MTPN: variants seen among roughly 807,000 people sequenced by gnomAD.
MTPN encodes myotrophin, also known as granule cell differentiation protein.
In MTPN, 2 loss-of-function variants were observed where a neutral mutation model predicts 13.5. The ratio of observed to expected loss-of-function variants is 0.15; its 90% confidence interval spans 0.06 to 0.47. The LOEUF (loss-of-function observed/expected upper bound fraction) is 0.47. Ranked by LOEUF, MTPN falls within the 20% of genes least tolerant of loss-of-function variation. MTPN has a pLI of 0.97. For missense variants in MTPN, 79 were observed against 137.9 expected, an observed-to-expected ratio of 0.57 and a Z score of 2.14; for synonymous variants, 46 against 51.7, an observed-to-expected ratio of 0.89 and a Z score of 0.48.
At chr7:135,937,554 C>T (rs1799135523) in intron 3 of MTPN, among the ~76,000 whole-genome samples, 1 of 152,148 alleles carries the variant, frequency 6.6e-6, no homozygotes, top group South Asian at 2.1e-4. Context: ...AACATACACA[C>T]TTTATATACT....
chr7:135,960,390 G>A (rs1799502983), intron 1 of MTPN, among the ~76,000 whole-genome samples: 1 of 151,932 alleles, frequency 6.6e-6, no homozygotes, highest in Admixed American at 6.6e-5. Context: ...TTAGGCAATA[G>A]AGAATATAAA....
chr7:135,951,566 CCA>C lies in MTPN; in HGVS notation c.135_136del (p.Cys45TrpfsTer4). 6.2e-7 allele frequency: 1 copy of C among 1,613,502 alleles called. No homozygotes were observed. The highest frequency in any genetic ancestry group is 8.5e-7 in the Non-Finnish European group (1 of 1,179,630). On this transcript the variant is annotated frameshift_variant, in exon 2 of 4. Coordinates refer to ENST00000393085, the MANE Select transcript of MTPN (RefSeq NM_145808.4). LOFTEE classifies it high-confidence loss of function. ...CAGAAATTCCAGGATTTCAAGCTGCCCACAATCTGCTGCATAATGAAGAGGTT... is the reference window on the plus strand; with the variant it reads ...CAGAAATTCCAGGATTTCAAGCTGCCCAATCTGCTGCATAATGAAGAGGTT...
chr7:135,927,792 C>A lies in MTPN; in HGVS notation c.*2134G>T, dbSNP rs1798946729. 1 of 445,614 alleles carries A rather than the reference C, an allele frequency of 2.2e-6. No individual in the cohort carries two copies. The highest frequency in any genetic ancestry group is 1.7e-5 in the South Asian group (1 of 58,928). The allele number at this position is 445,614 out of a possible 1,614,324, so 27.6% of individuals were successfully genotyped here. On this transcript the variant is annotated 3_prime_UTR_variant, in exon 4 of 4. Transcript: ENST00000393085. The stretch of plus-strand genomic sequence containing the variant: ...AGCGAAGGCGAAATAGCCTCTACTG[C>A]ATTACAAGCAACATCAGGATAAACT...
chr7:135,945,776 T>C (rs926842346), intron 3 of MTPN, among the ~76,000 whole-genome samples: 1 of 152,182 alleles, frequency 6.6e-6, no homozygotes, highest in Non-Finnish European at 1.5e-5. Flanking sequence ...AGTAAATACA[T>C]AAACATATAA....
chr7:135,951,658 A>G (rs1799365429), intron 1 of MTPN, 28 bp from the exon 2 acceptor site: 1 of 1,473,258 alleles, frequency 6.8e-7, no homozygotes, highest in African/African-American at 1.4e-5. Flanking sequence ...TGAAAACAAT[A>G]TTTATATGAA....
chr7:135,949,367 C>G (rs893046814), intron 3 of MTPN, among the ~76,000 whole-genome samples: 4 of 152,178 alleles, frequency 2.6e-5, no homozygotes, highest in African/African-American at 9.7e-5. Flanking sequence ...AAGACAGTGA[C>G]TGGAAATCTT....
At chr7:135,962,190 T>A (rs898258864) in intron 1 of MTPN, among the ~76,000 whole-genome samples, 8 of 151,692 alleles carry the variant, frequency 5.3e-5, no homozygotes, top group Non-Finnish European at 7.4e-5. Context: ...AGAGAACCCA[T>A]TATCTAATCC....
At chr7:135,950,794 A>T in intron 2 of MTPN, 112 bp from the exon 3 acceptor site, 2 of 778,944 alleles carry the variant, frequency 2.6e-6, no homozygotes, top group Admixed American at 2.5e-5. Context: ...TAGAAAATCA[A>T]TCAATCAATC....
chr7:135,929,637 G>A lies in MTPN; in HGVS notation c.*289C>T, dbSNP rs1483753209. The A allele has an allele frequency of 3.2e-5, 11 of 348,988 alleles. No individual in the cohort carries two copies. The highest frequency in any genetic ancestry group is 2.1e-4 in the African/African-American group (10 of 47,938). 21.6% of individuals were successfully genotyped at this position (348,988 alleles called of 1,614,324 possible). A position where few individuals can be genotyped will look rare whatever the true frequency, so the allele number is the denominator to read the frequency against. ...GCTGAAAAGGTCAAATGTTACTGGT[G>A]TATTTTGTCTTTGCTCTCCCTTGGG... On this transcript the variant is annotated 3_prime_UTR_variant, in exon 4 of 4. Transcript: ENST00000393085.
intron 3 of MTPN, among the ~76,000 whole-genome samples, chr7:135,940,733 G>C (rs1223280377): frequency 2.0e-5 from 3 of 152,186 alleles, no homozygotes; most frequent in African/African-American, 7.2e-5. Flanking sequence ...GACAAGACTA[G>C]ATTTTGGAAT....
At chr7:135,934,889 T>C (rs775146333) in intron 3 of MTPN, among the ~76,000 whole-genome samples, 3 of 152,298 alleles carry the variant, frequency 2.0e-5, no homozygotes, top group Non-Finnish European at 2.9e-5. Flanking sequence ...TAACACTCTT[T>C]ATAACTTGCT....
intron 1 of MTPN, among the ~76,000 whole-genome samples, chr7:135,952,126 T>C (rs1456841206): frequency 6.6e-6 from 1 of 152,200 alleles, no homozygotes; most frequent in Admixed American, 6.5e-5. Context: ...GCAGGCACTG[T>C]GCTAGACAGT....
intron 1 of MTPN, among the ~76,000 whole-genome samples, chr7:135,971,428 A>AT (rs1799692278): frequency 6.6e-6 from 1 of 151,572 alleles, no homozygotes; most frequent in Admixed American, 6.6e-5. Context: ...TGCTATGATT[A>AT]TTTTTACTAT....
Position 135,976,841 on chromosome 7 carries a change from C to G in MTPN, c.72+188G>C, listed in dbSNP as rs545219887. ...GCAGTTACCTGACACAGAACGCTAC[C>G]AAGTTACCTGGACCCTTCTTTCAGT... On this transcript the variant is annotated intron_variant, in intron 1 of 3. Coordinates refer to ENST00000393085, the MANE Select transcript of MTPN (RefSeq NM_145808.4). Among the ~76,000 whole-genome samples, 2 of 152,202 alleles carry G rather than the reference C, an allele frequency of 1.3e-5. 1 individual carries two copies. Among genetic ancestry groups the G allele is most frequent in the South Asian group, 4.2e-4 (2 of 4,814 alleles).
At chr7:135,972,228 C>T (rs1352892400) in intron 1 of MTPN, among the ~76,000 whole-genome samples, 1 of 121,734 alleles carries the variant, frequency 8.2e-6, no homozygotes, top group Non-Finnish European at 1.8e-5. Context: ...CGCGCACGCG[C>T]GCGCACACAC....
At chr7:135,948,435 A>G (rs568547906) in intron 3 of MTPN, among the ~76,000 whole-genome samples, 6 of 152,292 alleles carry the variant, frequency 3.9e-5, no homozygotes, top group Non-Finnish European at 5.9e-5. Context: ...GTTCAGACAC[A>G]AAAGAACAAA....
At chr7:135,961,479 A>G (rs1799521308) in intron 1 of MTPN, among the ~76,000 whole-genome samples, 1 of 152,010 alleles carries the variant, frequency 6.6e-6, no homozygotes, top group African/African-American at 2.4e-5. Context: ...ACAGAGAGAA[A>G]CTATCTATAG....
intron 1 of MTPN, among the ~76,000 whole-genome samples, chr7:135,952,233 A>G (rs1799373406): frequency 1.3e-5 from 2 of 152,210 alleles, no homozygotes; most frequent in Admixed American, 6.5e-5. Context: ...ACATAATTAA[A>G]CATATAATTT....
At chr7:135,959,411 T>C (rs575824087) in intron 1 of MTPN, among the ~76,000 whole-genome samples, 109 of 152,292 alleles carry the variant, frequency 7.2e-4, no homozygotes, top group Admixed American at 1.4e-3. Flanking sequence ...GATTATGTAC[T>C]TTGTGTAAAC....
Sources: gnomAD v4.1 joint callset for allele counts (sites outside exome capture counted in the v4.1 genomes callset) on GRCh38, gnomAD v4.1.1 for gene constraint, MANE v1.5 for transcripts, NCBI Gene and HGNC (gene_info 2026-07-23, HGNC 2026-07-21) for gene names.